PROS1: variants seen among roughly 807,000 people sequenced by gnomAD.
PROS1 encodes the protein protein S, also known as vitamin K-dependent protein S.
In PROS1, 29 loss-of-function variants were observed where a neutral mutation model predicts 75.9. The observed-to-expected ratio is 0.38, with a 90% confidence interval of 0.28 to 0.52. PROS1 has a LOEUF of 0.52. Among genes scored for constraint, PROS1 ranks in the 20% least tolerant of loss-of-function variants. The pLI is 0.83. For missense variants in PROS1, 680 were observed against 810.3 expected (o/e 0.84, Z 1.95); for synonymous variants, 245 against 280.6 (o/e 0.87, Z 1.27).
chr3:93,926,457 C>A (rs1709018176), intron 2 of PROS1, among the ~76,000 whole-genome samples: 1 of 152,026 alleles, frequency 6.6e-6, no homozygotes, highest in African/African-American at 2.4e-5. Flanking sequence ...CATGGCAAAA[C>A]CCCGTCTCTA....
intron 10 of PROS1, among the ~76,000 whole-genome samples, chr3:93,886,816 T>C (rs748985988): frequency 5.3e-5 from 8 of 152,172 alleles, no homozygotes; most frequent in Non-Finnish European, 1.0e-4. Flanking sequence ...AAATTAACAA[T>C]TAAGTGAGCC....
chr3:93,959,001 T>C (rs1429653692), intron 1 of PROS1, among the ~76,000 whole-genome samples: 1 of 152,220 alleles, frequency 6.6e-6, no homozygotes, highest in African/African-American at 2.4e-5. Context: ...CAGGGTTCAG[T>C]TGTTTATATT....
Position 93,902,071 on chromosome 3 carries a change from G to A in PROS1, c.602-1142C>T, listed in dbSNP as rs545166716. On this transcript the variant is annotated intron_variant, in intron 6 of 14. Coordinates refer to ENST00000394236, the MANE Select transcript of PROS1 (RefSeq NM_000313.4). ...GCAGTGCTGTAATCCTAGCACTTTG[G>A]GGGTCAAAGTGTTCGAGACCAGCCT... Among the ~76,000 whole-genome samples the A allele has an allele frequency of 5.3e-5, 8 of 152,122 alleles. No homozygotes were observed. In the East Asian group the frequency reaches 1.5e-3, roughly 29 times the overall value.
intron 1 of PROS1, among the ~76,000 whole-genome samples, chr3:93,971,834 C>G (rs1709886604): frequency 6.6e-6 from 1 of 151,978 alleles, no homozygotes; most frequent in Non-Finnish European, 1.5e-5. Context: ...AAAGTAAAAT[C>G]AAATCATATG....
intron 8 of PROS1, among the ~76,000 whole-genome samples, chr3:93,897,573 T>C (rs1377820595): frequency 6.6e-6 from 1 of 152,044 alleles, no homozygotes; most frequent in Admixed American, 6.6e-5. Context: ...CGTACCAAAA[T>C]TACAACAAAT....
chr3:93,962,224 T>C (rs950782440), intron 1 of PROS1, among the ~76,000 whole-genome samples: 1 of 152,000 alleles, frequency 6.6e-6, no homozygotes, highest in African/African-American at 2.4e-5. Flanking sequence ...GATCACATTT[T>C]GGAGAAAGGA....
chr3:93,935,626 G>A (rs549550528), intron 1 of PROS1, among the ~76,000 whole-genome samples: 12 of 152,136 alleles, frequency 7.9e-5, no homozygotes, highest in South Asian at 2.1e-4. Context: ...TGTGCTTAGA[G>A]GCTTAGAAGG....
Position 93,900,822 on chromosome 3 carries a change from T to C in PROS1, c.709A>G (p.Lys237Glu), listed in dbSNP as rs750196720. ...ATCCTACCTTCACAAGACTTTGATT[T>C]GAGATTATATCTGTAGCCTTCGGGG... is the stretch of plus-strand genomic sequence containing the variant. ...ECPEGYRYNLKSKSCEDIDEC... is the reference protein window; with the variant it reads ...ECPEGYRYNLESKSCEDIDEC... The change falls in exon 7 of 15, where the codon AAA becomes GAA. Residue 237 changes from lysine (K) to glutamate (E), a missense_variant. Physicochemically the swap from Lys to Glu is moderately conservative, Grantham distance 56. Transcript: ENST00000394236. 6.2e-7 allele frequency: 1 copy of C among 1,613,386 alleles called. No individual in the cohort carries two copies. Among genetic ancestry groups the C allele is most frequent in the East Asian group, 2.2e-5 (1 of 44,880 alleles).
intron 6 of PROS1, among the ~76,000 whole-genome samples, chr3:93,905,198 T>G (rs1463508301): frequency 1.1e-4 from 17 of 152,248 alleles, no homozygotes; most frequent in Admixed American, 9.8e-4. Context: ...GTTTGTAGCA[T>G]GCAAAGACTT....
chr3:93,882,614 A>C (rs1708288737), intron 12 of PROS1, among the ~76,000 whole-genome samples: 1 of 152,204 alleles, frequency 6.6e-6, no homozygotes, highest in Non-Finnish European at 1.5e-5. Context: ...TTTGGTAAAA[A>C]TAATTTAGGT....
intron 7 of PROS1, 76 bp from the exon 8 acceptor site, chr3:93,898,645 T>C: frequency 2.6e-6 from 4 of 1,528,562 alleles, no homozygotes; most frequent in Non-Finnish European, 3.6e-6. Context: ...AGGAATATTA[T>C]GATTGTAGTA....
intron 1 of PROS1, among the ~76,000 whole-genome samples, chr3:93,949,124 C>T (rs1268866783): frequency 3.3e-5 from 5 of 152,276 alleles, no homozygotes; most frequent in Admixed American, 2.6e-4. Context: ...TAGAATACAT[C>T]GCTGCTGTCC....
chr3:93,941,713 A>G (rs1316036118), intron 1 of PROS1, among the ~76,000 whole-genome samples: 1 of 152,178 alleles, frequency 6.6e-6, no homozygotes, highest in African/African-American at 2.4e-5. Flanking sequence ...CACACCTTGT[A>G]GCCTTTTTGT....
intron 1 of PROS1, among the ~76,000 whole-genome samples, chr3:93,934,780 T>TA (rs201453141): frequency 9.1e-4 from 135 of 149,134 alleles, no homozygotes; most frequent in Middle Eastern, 3.5e-3. Flanking sequence ...CTGGTGGAAT[T>TA]AAAAAAAAAA....
At chr3:93,953,658 A>T (rs574159536) in intron 1 of PROS1, among the ~76,000 whole-genome samples, 1 of 146,524 alleles carries the variant, frequency 6.8e-6, no homozygotes, top group South Asian at 2.1e-4. Flanking sequence ...TCCCTTTGAA[A>T]ATTGGCACAA....
At chr3:93,892,301 G>T (rs762283994) in intron 10 of PROS1, among the ~76,000 whole-genome samples, 2 of 151,776 alleles carry the variant, frequency 1.3e-5, no homozygotes, top group Non-Finnish European at 2.9e-5. Flanking sequence ...CGGCACTCCA[G>T]CCTGGGCAGA....
At chr3:93,918,353 C>T (rs1420550296) in intron 3 of PROS1, among the ~76,000 whole-genome samples, 22 of 151,970 alleles carry the variant, frequency 1.4e-4, no homozygotes, top group African/African-American at 4.4e-4. Context: ...GCAGGCTGCC[C>T]GAGCCAGCAG....
chr3:93,952,832 T>A (rs1709526677), intron 1 of PROS1, among the ~76,000 whole-genome samples: 1 of 151,706 alleles, frequency 6.6e-6, no homozygotes, highest in Non-Finnish European at 1.5e-5. Flanking sequence ...AGACCACTAG[T>A]GAGACTAATA....
intron 7 of PROS1, among the ~76,000 whole-genome samples, chr3:93,898,828 T>A (rs961168884): frequency 5.3e-5 from 8 of 152,078 alleles, no homozygotes; most frequent in Non-Finnish European, 8.8e-5. Flanking sequence ...AGTATAACAA[T>A]TCTACCAAAT....
Sources: gnomAD v4.1 joint callset for allele counts (sites outside exome capture counted in the v4.1 genomes callset) on GRCh38, gnomAD v4.1.1 for gene constraint, MANE v1.5 for transcripts, NCBI Gene and HGNC (gene_info 2026-07-23, HGNC 2026-07-21) for gene names.